The following KIF1B variants were observed in gnomAD, a reference collection of about 807,000 sequenced individuals.
The protein encoded by KIF1B is kinesin-like protein KIF1B.
KIF1B carries 76 observed loss-of-function variants against 241.9 expected under a neutral mutation model. The ratio of observed to expected loss-of-function variants is 0.31; its 90% CI spans 0.26 to 0.38. The LOEUF is 0.38. Among genes scored for constraint, KIF1B ranks in the 10% least tolerant of loss-of-function variants. The probability of loss-of-function intolerance (pLI) is 1.00; values close to 1 mark genes in which losing one functional copy is unlikely to be tolerated. For missense variants in KIF1B, 1,622 were observed against 2,271.4 expected (o/e 0.71, Z 5.81); for synonymous variants, 750 against 796.7 (o/e 0.94, Z 0.99).
intron 22 of KIF1B, among the ~76,000 whole-genome samples, chr1:10,314,192 A>G (rs1014408374): frequency 1.3e-5 from 2 of 151,042 alleles, no homozygotes; most frequent in African/African-American, 2.5e-5. Flanking sequence ...AAAATATATT[A>G]TTTTTTAATG....
intron 1 of KIF1B, among the ~76,000 whole-genome samples, chr1:10,219,834 T>G (rs1646817378): frequency 6.6e-6 from 1 of 151,882 alleles, no homozygotes; most frequent in Non-Finnish European, 1.5e-5. Flanking sequence ...TTGGGAGGCC[T>G]AGGTGAGAGG....
At chr1:10,342,664 A>G (rs1056403938) in intron 33 of KIF1B, among the ~76,000 whole-genome samples, 1 of 152,166 alleles carries the variant, frequency 6.6e-6, no homozygotes, top group Non-Finnish European at 1.5e-5. Flanking sequence ...GATTATCTCT[A>G]TTATCTGGTA....
intron 38 of KIF1B, among the ~76,000 whole-genome samples, chr1:10,356,323 C>T (rs1388889889): frequency 1.3e-5 from 2 of 152,000 alleles, no homozygotes; most frequent in Non-Finnish European, 2.9e-5. Context: ...CGAGATCGCG[C>T]CACTGCATTC....
intron 22 of KIF1B, chr1:10,308,336 A>G: frequency 9.5e-7 from 1 of 1,054,794 alleles, no homozygotes; most frequent in African/African-American, 1.6e-5. Flanking sequence ...CCAGATTTTA[A>G]AATCTGTTCT....
chr1:10,366,975 A>T (rs990723291), intron 43 of KIF1B, among the ~76,000 whole-genome samples: 3 of 152,078 alleles, frequency 2.0e-5, no homozygotes, highest in African/African-American at 7.2e-5. Context: ...CATCTCAAAA[A>T]ATATATATAT....
chr1:10,319,894 C>G, intron 22 of KIF1B, 149 bp from the exon 23 acceptor site: 1 of 632,392 alleles, frequency 1.6e-6, no homozygotes, highest in South Asian at 1.7e-5. Context: ...AAACATTTCC[C>G]TGTATGTCTT....
intron 27 of KIF1B, among the ~76,000 whole-genome samples, chr1:10,332,614 C>G (rs1651994148): frequency 7.2e-6 from 1 of 138,472 alleles, no homozygotes; most frequent in African/African-American, 2.7e-5. Context: ...CTCCCGGGTT[C>G]ACGCCATTCT....
Position 10,316,644 on chromosome 1 carries a change from G to A in KIF1B, c.2116-3399G>A, listed in dbSNP as rs911270534. Among the ~76,000 whole-genome samples the A allele has an allele frequency of 5.3e-5, 8 of 151,522 alleles. 1 individual carries two copies. Among genetic ancestry groups the A allele is most frequent in the African/African-American group, 2.0e-4 (8 of 40,866 alleles). On this transcript the variant is annotated intron_variant, in intron 22 of 48. Coordinates refer to ENST00000676179, the MANE Select transcript of KIF1B (RefSeq NM_001365951.3). ...GCCCCTCTAGTAGCTGGGACTACAGGTGTGTGCCATCACACCTGGATAATT... is the reference window on the plus strand; with the variant it reads ...GCCCCTCTAGTAGCTGGGACTACAGATGTGTGCCATCACACCTGGATAATT...
chr1:10,283,513 C>T (rs1245936706), intron 15 of KIF1B, among the ~76,000 whole-genome samples: 1 of 152,230 alleles, frequency 6.6e-6, no homozygotes, highest in Non-Finnish European at 1.5e-5. Flanking sequence ...AAGTTAAGAG[C>T]AGCAGAGCCT....
At chr1:10,259,894 C>T (rs1407447717) in intron 4 of KIF1B, among the ~76,000 whole-genome samples, 1 of 151,812 alleles carries the variant, frequency 6.6e-6, no homozygotes, top group South Asian at 2.1e-4. Context: ...GATGATCTGC[C>T]TGCCTCGACT....
In KIF1B at chr1:10,303,671, T is replaced by C. The variant is rs778186347; in HGVS notation, c.2115+6425T>C. On this transcript the variant is annotated intron_variant, in intron 22 of 48. Transcript: ENST00000676179. The surrounding 1 kb of genome is among the most constrained non-coding windows in gnomAD (Gnocchi z 5.2). ...GTTCATATAGACAAGCTGGAAGATATTTTGCAAGAAGTCAAAAAGCAAAAT... is the reference window on the plus strand; with the variant it reads ...GTTCATATAGACAAGCTGGAAGATACTTTGCAAGAAGTCAAAAAGCAAAAT... 55 of 1,613,996 alleles carry C rather than the reference T, an allele frequency of 3.4e-5. No individual in the cohort carries two copies. The highest frequency in any genetic ancestry group is 1.6e-4 in the Middle Eastern group (1 of 6,084).
At chr1:10,331,094 CA>C (rs57812252) in intron 27 of KIF1B, among the ~76,000 whole-genome samples, 37,388 of 128,854 alleles carry the variant, frequency 0.29, 6,040 homozygotes, top group African/African-American at 0.51. Context: ...AACCCCACCT[CA>C]AAAAAAAAAA....
At chr1:10,243,343 T>C (rs12743757) in intron 2 of KIF1B, among the ~76,000 whole-genome samples, 3,200 of 152,254 alleles carry the variant, frequency 0.021, 51 homozygotes, top group Non-Finnish European at 0.032. Context: ...CGCTTAAACC[T>C]GGGAGGCAGA....
At chr1:10,334,395 G>GA in intron 27 of KIF1B, 125 bp from the exon 28 acceptor site, 9 of 799,688 alleles carry the variant, frequency 1.1e-5, no homozygotes, top group South Asian at 1.1e-4. Flanking sequence ...CTAGGACTGA[G>GA]AAGGGGTCTT....
intron 17 of KIF1B, among the ~76,000 whole-genome samples, chr1:10,292,674 C>T (rs1352835805): frequency 2.6e-5 from 4 of 152,196 alleles, no homozygotes; most frequent in Non-Finnish European, 5.9e-5. Context: ...CCAATAGTTA[C>T]CTTCCTTTTT....
At chr1:10,215,138 T>TTATA (rs1162229178) in intron 1 of KIF1B, among the ~76,000 whole-genome samples, 978 of 59,474 alleles carry the variant, frequency 0.016, 19 homozygotes, top group Middle Eastern at 0.022. Flanking sequence ...TTTATATATT[T>TTATA]TATATATATA....
chr1:10,362,694 A>G (rs1638458196), intron 40 of KIF1B, among the ~76,000 whole-genome samples: 1 of 152,098 alleles, frequency 6.6e-6, no homozygotes, highest in Non-Finnish European at 1.5e-5. Context: ...AGAAAAGACA[A>G]ATTTTTAGTT....
intron 15 of KIF1B, among the ~76,000 whole-genome samples, chr1:10,283,914 A>C (rs746984570): frequency 2.0e-5 from 3 of 152,276 alleles, no homozygotes; most frequent in Non-Finnish European, 4.4e-5. Flanking sequence ...AGGCTTGCCG[A>C]AAAACTCTTT....
At chr1:10,324,252 A>G (rs1408124831) in intron 25 of KIF1B, among the ~76,000 whole-genome samples, 190 bp downstream of exon 25, 2 of 152,182 alleles carry the variant, frequency 1.3e-5, no homozygotes, top group African/African-American at 4.8e-5. Context: ...TGCACTCCTC[A>G]CACACTCTGA....
Sources: allele counts gnomAD v4.1 joint callset (sites outside exome capture counted in the v4.1 genomes callset), GRCh38; gene constraint gnomAD v4.1.1; non-coding constraint Gnocchi (gnomAD v3.1); transcripts MANE v1.5; gene names NCBI Gene and HGNC (gene_info 2026-07-23, HGNC 2026-07-21).